The following CACNA1C variants were observed in gnomAD, a reference collection of about 807,000 sequenced individuals.
CACNA1C encodes the protein calcium voltage-gated channel subunit alpha1 C, also known as voltage-dependent L-type calcium channel subunit alpha-1C.
Under a neutral mutation model 229.0 loss-of-function variants are expected in CACNA1C, and 30 were observed. The ratio of observed to expected loss-of-function variants is 0.13; its 90% CI spans 0.10 to 0.18. The LOEUF is 0.18. Ranked by LOEUF, CACNA1C falls within the 10% of genes least tolerant of loss-of-function variation. CACNA1C has a pLI of 1.00. For missense variants in CACNA1C, 1,658 were observed against 2,845.0 expected, an observed-to-expected ratio of 0.58 and a Z score of 9.49; for synonymous variants, 1,114 against 1,132.5, an observed-to-expected ratio of 0.98 and a Z score of 0.33.
At chr12:1,981,771 A>C (rs1161057046) in intron 1 of CACNA1C, among the ~76,000 whole-genome samples, 1 of 152,240 alleles carries the variant, frequency 6.6e-6, no homozygotes, top group Non-Finnish European at 1.5e-5. Flanking sequence ...CAGGGGACTC[A>C]CAAAAACATC....
intron 3 of CACNA1C, among the ~76,000 whole-genome samples, chr12:2,208,559 T>C (rs973533037): frequency 1.3e-5 from 2 of 152,106 alleles, no homozygotes; most frequent in African/African-American, 4.8e-5. Context: ...ATGCAGTGCA[T>C]TGGAGGGAAG....
chr12:2,638,471 C>G (rs1198614652), intron 30 of CACNA1C, among the ~76,000 whole-genome samples: 1 of 152,076 alleles, frequency 6.6e-6, no homozygotes, highest in African/African-American at 2.4e-5. Flanking sequence ...TTACTCTGAG[C>G]AAGAAGGGGA....
chr12:2,602,599 A>G lies in CACNA1C; in HGVS notation c.2960+639A>G, dbSNP rs1318034504. 6.7e-6 allele frequency among the ~76,000 whole-genome samples: 1 copy of G among 148,820 alleles called. No homozygotes were observed. Among genetic ancestry groups the G allele is most frequent in the Admixed American group, 6.7e-5 (1 of 14,862 alleles). On this transcript the variant is annotated intron_variant, in intron 22 of 46. Transcript: ENST00000399655. This position sits in a 1 kb window ranked among gnomAD's most constrained non-coding sequence, Gnocchi z 4.4. ...TATGTGCATATGTATGTGTGAGTGC[A>G]TGTATGTGTGTGACTGTGTATATTT...
chr12:2,590,858 T>G (rs1375709284), intron 18 of CACNA1C, among the ~76,000 whole-genome samples: 1 of 152,214 alleles, frequency 6.6e-6, no homozygotes, highest in East Asian at 1.9e-4. Flanking sequence ...CGAGCAAAAC[T>G]GAAAAGAATA....
chr12:2,413,746 C>G (rs186195965), intron 3 of CACNA1C, among the ~76,000 whole-genome samples: 179 of 152,312 alleles, frequency 1.2e-3, no homozygotes, highest in African/African-American at 4.1e-3. Flanking sequence ...TGCATCTTTG[C>G]TCACCATGGT....
intron 3 of CACNA1C, among the ~76,000 whole-genome samples, chr12:2,414,138 T>G (rs2098839198): frequency 6.6e-6 from 1 of 151,516 alleles, no homozygotes; most frequent in Admixed American, 6.6e-5. Context: ...ATCTCTGAGT[T>G]TTAGTTGCCT....
chr12:2,078,067 A>G (rs1595218660), intron 1 of CACNA1C, among the ~76,000 whole-genome samples: 1 of 152,278 alleles, frequency 6.6e-6, no homozygotes, highest in South Asian at 2.1e-4. Context: ...ATGTGATGGT[A>G]TTTGGGGATA....
At chr12:2,418,435 T>C (rs1158839730) in intron 3 of CACNA1C, among the ~76,000 whole-genome samples, 1 of 151,920 alleles carries the variant, frequency 6.6e-6, no homozygotes, top group Non-Finnish European at 1.5e-5. Context: ...CCTGGCAGAG[T>C]TGCGGGCCTG....
chr12:2,564,055 G>C (rs557112989), intron 11 of CACNA1C, among the ~76,000 whole-genome samples: 115 of 152,334 alleles, frequency 7.5e-4, no homozygotes, highest in African/African-American at 2.7e-3. Flanking sequence ...GCCATGGACT[G>C]TGATTTAGAA....
At chr12:2,556,629 T>G (rs1011381326) in intron 10 of CACNA1C, among the ~76,000 whole-genome samples, 1 of 152,324 alleles carries the variant, frequency 6.6e-6, no homozygotes, top group African/African-American at 2.4e-5. Context: ...CTTTTCTTTC[T>G]CTGCAGCTTG....
In CACNA1C at chr12:2,692,577, T is replaced by C. The variant is rs2097800338; in HGVS notation, c.*1378T>C. The C allele has an allele frequency of 6.5e-6, 1 of 152,676 alleles. No homozygotes were observed. The highest frequency in any genetic ancestry group is 2.4e-5 in the African/African-American group (1 of 41,458). The allele number at this position is 152,676 out of a possible 1,614,324, so 9.5% of individuals were successfully genotyped here. A position where few individuals can be genotyped will look rare whatever the true frequency, so the allele number is the denominator to read the frequency against. On this transcript the variant is annotated 3_prime_UTR_variant, in exon 47 of 47. Coordinates refer to ENST00000399655, the MANE Select transcript of CACNA1C (RefSeq NM_000719.7). ...ACGGGAATCAGTAACTCTTTGCATTTTCTGTCCCACAAGATATGCAAAAAC... is the reference window on the plus strand; with the variant it reads ...ACGGGAATCAGTAACTCTTTGCATTCTCTGTCCCACAAGATATGCAAAAAC...
At chr12:2,596,057 C>T (rs760468473) in intron 20 of CACNA1C, 54 bp downstream of exon 20, 230 of 1,530,494 alleles carry the variant, frequency 1.5e-4, no homozygotes, top group Non-Finnish European at 2.0e-4. Context: ...GTGCCAGGCC[C>T]ACAGCTTCTG....
chr12:2,346,834 G>A lies in CACNA1C; in HGVS notation c.478-102142G>A, dbSNP rs2016362479. Reference sequence around the variant, plus strand: ...AATACATACAAAGCAGTGTGTATGTGGCAATCATTTGGTGCCTCACTCACC... The same window carrying A: ...AATACATACAAAGCAGTGTGTATGTAGCAATCATTTGGTGCCTCACTCACC... On this transcript the variant is annotated intron_variant, in intron 3 of 46. Transcript: ENST00000399655. This position sits in a 1 kb window ranked among gnomAD's most constrained non-coding sequence, Gnocchi z 4.4. Among the ~76,000 whole-genome samples the A allele has an allele frequency of 1.3e-5, 2 of 152,192 alleles. No individual in the cohort carries two copies. Among genetic ancestry groups the A allele is most frequent in the South Asian group, 4.1e-4 (2 of 4,830 alleles).
chr12:2,501,829 C>T (rs1171949198), intron 7 of CACNA1C, among the ~76,000 whole-genome samples: 1 of 152,248 alleles, frequency 6.6e-6, no homozygotes, highest in Admixed American at 6.5e-5. Flanking sequence ...CACACAAGGA[C>T]CTTTCACCCC....
At chr12:2,366,775 C>A (rs187975320) in intron 3 of CACNA1C, among the ~76,000 whole-genome samples, 1 of 152,306 alleles carries the variant, frequency 6.6e-6, no homozygotes, top group African/African-American at 2.4e-5. Flanking sequence ...AATTGACTCA[C>A]AGTTCCACAG....
intron 3 of CACNA1C, among the ~76,000 whole-genome samples, chr12:2,184,351 A>G (rs111244521): frequency 0.031 from 4,780 of 152,238 alleles, 247 homozygotes; most frequent in African/African-American, 0.11. Context: ...TCCCGACCAT[A>G]CCCTTGTGTT....
chr12:2,365,480 A>C (rs1445142272), intron 3 of CACNA1C, among the ~76,000 whole-genome samples: 2 of 152,248 alleles, frequency 1.3e-5, no homozygotes. Context: ...ACACTGGCCC[A>C]AAAATGCAGA....
At position 2,297,679 on chromosome 12, in the gene CACNA1C, G is replaced by A. The variant is rs2094179560; in HGVS notation, c.478-151297G>A. Among the ~76,000 whole-genome samples, 3 of 152,138 alleles carry A rather than the reference G, an allele frequency of 2.0e-5. No homozygotes were observed. The South Asian group carries it at 6.2e-4, about 31-fold the overall frequency. On this transcript the variant is annotated intron_variant, in intron 3 of 46. Coordinates refer to ENST00000399655, the MANE Select transcript of CACNA1C (RefSeq NM_000719.7). ...TCCATTGCGTCTTTGTGAGAATCTA[G>A]GGTCCTCTTTTATGCTTAGTCTAAG...
At chr12:2,333,649 G>C (rs1031659950) in intron 3 of CACNA1C, among the ~76,000 whole-genome samples, 2 of 152,158 alleles carry the variant, frequency 1.3e-5, no homozygotes, top group African/African-American at 4.8e-5. Flanking sequence ...AAGGCGTAAC[G>C]ACAGGGGACA....
Sources: allele counts gnomAD v4.1 joint callset (sites outside exome capture counted in the v4.1 genomes callset), GRCh38; gene constraint gnomAD v4.1.1; non-coding constraint Gnocchi (gnomAD v3.1); transcripts MANE v1.5; gene names NCBI Gene and HGNC (gene_info 2026-07-23, HGNC 2026-07-21).